Variants in TAF4 observed in about 807,000 individuals in gnomAD.
TAF4 encodes transcription initiation factor TFIID subunit 4.
A neutral mutation model predicts 90.3 loss-of-function variants in TAF4; 9 were observed. The ratio of observed to expected loss-of-function variants is 0.10; its 90% CI spans 0.06 to 0.17. The LOEUF (loss-of-function observed/expected upper bound fraction) is 0.17. Among genes scored for constraint, TAF4 ranks in the 10% least tolerant of loss-of-function variants. TAF4 has a pLI of 1.00. For synonymous variants in TAF4, 818 were observed against 638.9 expected, an observed-to-expected ratio of 1.28 and a Z score of -4.23; for missense variants, 1,351 against 1,370.7, an observed-to-expected ratio of 0.99 and a Z score of 0.23.
At chr20:62,005,338 G>A (rs2055737881) in intron 7 of TAF4, 1 of 152,268 alleles carries the variant, frequency 6.6e-6, no homozygotes, top group African/African-American at 2.4e-5. Flanking sequence ...CACGTGGTCA[G>A]GAGGAGCCCA....
chr20:62,010,248 G>C lies in TAF4; in HGVS notation c.1642-83C>G, dbSNP rs2055771095. 6.3e-7 allele frequency: 1 copy of C among 1,598,444 alleles called. No homozygotes were observed. The highest frequency in any genetic ancestry group is 1.7e-5 in the Admixed American group (1 of 58,998). On this transcript the variant is annotated intron_variant, in intron 3 of 14. Coordinates refer to ENST00000252996, the MANE Select transcript of TAF4 (RefSeq NM_003185.4). This position sits in a 1 kb window ranked among gnomAD's most constrained non-coding sequence, Gnocchi z 4.5. Reference sequence around the variant, plus strand: ...GAGACCAGCCTCACGCCCAGCAAAAGAAAACAAGCCTCCCTGCGGTGGCCA... The same window carrying C: ...GAGACCAGCCTCACGCCCAGCAAAACAAAACAAGCCTCCCTGCGGTGGCCA...
intron 9 of TAF4, among the ~76,000 whole-genome samples, chr20:62,002,687 G>T (rs2055714571): frequency 6.6e-6 from 1 of 152,088 alleles, no homozygotes; most frequent in Non-Finnish European, 1.5e-5. Flanking sequence ...GTTGAGTAAG[G>T]TTTTACTATG....
Position 62,053,812 on chromosome 20 carries a change from C to T in TAF4, c.1360+10639G>A, listed in dbSNP as rs555097576. Among the ~76,000 whole-genome samples the T allele has an allele frequency of 2.0e-5, 3 of 152,368 alleles. No homozygotes were observed. In the South Asian group the frequency reaches 6.2e-4, roughly 32 times the overall value. On this transcript the variant is annotated intron_variant, in intron 1 of 14. Transcript: ENST00000252996. ...TGTGCAGACAGACACAGACAATGACCAAGTCTTCTCGGCTGAAACTAGGGA... is the reference window on the plus strand; with the variant it reads ...TGTGCAGACAGACACAGACAATGACTAAGTCTTCTCGGCTGAAACTAGGGA...
At position 62,064,784 on chromosome 20, in the gene TAF4, TGACCCCCGGCGCCGGCGCCGC is replaced by T. The variant is rs1395373784; in HGVS notation, c.1006_1026del (p.Ala336_Val342del). 357 of 1,074,338 alleles carry T rather than the reference TGACCCCCGGCGCCGGCGCCGC, an allele frequency of 3.3e-4. No individual in the cohort carries two copies. Among genetic ancestry groups the T allele is most frequent in the Middle Eastern group, 2.5e-3 (6 of 2,402 alleles). 66.6% of individuals were successfully genotyped at this position (1,074,338 alleles called of 1,614,324 possible). A position where few individuals can be genotyped will look rare whatever the true frequency, so the allele number is the denominator to read the frequency against. On this transcript the variant is annotated inframe_deletion, in exon 1 of 15. Coordinates refer to ENST00000252996, the MANE Select transcript of TAF4 (RefSeq NM_003185.4). ...ACCACCCTCTTGGGCGACTCGGCCT[TGACCCCCGGCGCCGGCGCCGC>T]AGCCGCCGCGCCGGGCCCGGGTTGG... is the stretch of plus-strand genomic sequence containing the variant.
At chr20:61,978,826 G>A (rs1415161431) in intron 14 of TAF4, 2 of 153,664 alleles carry the variant, frequency 1.3e-5, no homozygotes. Context: ...AGCTCTGAAG[G>A]TGCACTATGA....
chr20:62,053,315 C>T (rs956901858), intron 1 of TAF4, among the ~76,000 whole-genome samples: 1 of 75,828 alleles, frequency 1.3e-5, no homozygotes, highest in Non-Finnish European at 2.9e-5. Flanking sequence ...AACCAGGAGC[C>T]CATGAGGCCG....
chr20:62,045,782 G>T (rs540813581), intron 1 of TAF4, among the ~76,000 whole-genome samples: 1 of 152,274 alleles, frequency 6.6e-6, no homozygotes, highest in South Asian at 2.1e-4. Context: ...ACTCTTTCTC[G>T]TCTAATCCAG....
At chr20:62,030,347 C>A (rs1033618368) in intron 1 of TAF4, among the ~76,000 whole-genome samples, 1 of 152,236 alleles carries the variant, frequency 6.6e-6, no homozygotes, top group African/African-American at 2.4e-5. Context: ...AGTCAGGACA[C>A]CACAGCCTTT....
At chr20:62,049,133 C>T (rs908665244) in intron 1 of TAF4, among the ~76,000 whole-genome samples, 1 of 151,950 alleles carries the variant, frequency 6.6e-6, no homozygotes, top group Admixed American at 6.6e-5. Context: ...CTGGCACCAC[C>T]CACCAGCCCC....
intron 3 of TAF4, among the ~76,000 whole-genome samples, chr20:62,011,871 C>T (rs558456197): frequency 1.3e-5 from 2 of 152,204 alleles, no homozygotes; most frequent in Non-Finnish European, 2.9e-5. Flanking sequence ...CTCACAGACA[C>T]CAGGTGACCA....
chr20:61,976,009 A>C lies in TAF4; in HGVS notation c.*159T>G. 1.4e-6 allele frequency: 1 copy of C among 731,790 alleles called. No homozygotes were observed. The highest frequency in any genetic ancestry group is 2.2e-6 in the Non-Finnish European group (1 of 450,960). The allele number at this position is 731,790 out of a possible 1,614,324, so 45.3% of individuals were successfully genotyped here. ...GGCCTTTGTGTTCTCTCTGTTACAGAAACGTGTTTTCTTTCACACTGAAGA... is the reference window on the plus strand; with the variant it reads ...GGCCTTTGTGTTCTCTCTGTTACAGCAACGTGTTTTCTTTCACACTGAAGA... On this transcript the variant is annotated 3_prime_UTR_variant, in exon 15 of 15. Coordinates refer to ENST00000252996, the MANE Select transcript of TAF4 (RefSeq NM_003185.4).
intron 14 of TAF4, among the ~76,000 whole-genome samples, chr20:61,990,743 C>T (rs993027435): frequency 6.6e-6 from 1 of 152,174 alleles, no homozygotes; most frequent in African/African-American, 2.4e-5. Flanking sequence ...CTGAGCAGGA[C>T]AGGGACAAGG....
chr20:62,053,547 G>A (rs560336571), intron 1 of TAF4, among the ~76,000 whole-genome samples: 3 of 152,316 alleles, frequency 2.0e-5, no homozygotes, highest in Non-Finnish European at 2.9e-5. Context: ...GCTGAGAAGC[G>A]GCATCCGTGC....
At chr20:62,023,589 A>C (rs2055856108) in intron 1 of TAF4, among the ~76,000 whole-genome samples, 1 of 151,732 alleles carries the variant, frequency 6.6e-6, no homozygotes, top group Non-Finnish European at 1.5e-5. Flanking sequence ...CTCTACTAAA[A>C]ATACAAAAAT....
At position 62,006,989 on chromosome 20, in the gene TAF4, C is replaced by T; in HGVS notation, c.1975-231G>A. Reference sequence around the variant, plus strand: ...TCCAAAATGTGTTCAAGAAAACAAACAAAAAGAGACATATTTTTAAAAAAC... The same window carrying T: ...TCCAAAATGTGTTCAAGAAAACAAATAAAAAGAGACATATTTTTAAAAAAC... On this transcript the variant is annotated intron_variant, in intron 6 of 14. Coordinates refer to ENST00000252996, the MANE Select transcript of TAF4 (RefSeq NM_003185.4). The surrounding 1 kb of genome is among the most constrained non-coding windows in gnomAD (Gnocchi z 7.0). 2.2e-6 allele frequency: 1 copy of T among 452,088 alleles called. No individual in the cohort carries two copies. Among genetic ancestry groups the T allele is most frequent in the Non-Finnish European group, 3.6e-6 (1 of 275,524 alleles). The allele number at this position is 452,088 out of a possible 1,614,324, so 28.0% of individuals were successfully genotyped here. A position where few individuals can be genotyped will look rare whatever the true frequency, so the allele number is the denominator to read the frequency against.
chr20:62,033,825 G>A (rs150840140), intron 1 of TAF4, among the ~76,000 whole-genome samples: 43 of 151,906 alleles, frequency 2.8e-4, no homozygotes, highest in African/African-American at 8.7e-4. Flanking sequence ...GGTGGATCAC[G>A]AGGTCAGGAG....
intron 2 of TAF4, among the ~76,000 whole-genome samples, chr20:62,013,906 G>GGTGT (rs56801841): frequency 0.06 from 6,454 of 106,916 alleles, 222 homozygotes; most frequent in Admixed American, 0.098. Flanking sequence ...GGCTGACGCG[G>GGTGT]GTGTGTGTGT....
At position 62,065,871 on chromosome 20, in the gene TAF4, A is replaced by C. The variant is rs2056128872; in HGVS notation, c.-61T>G. On this transcript the variant is annotated 5_prime_UTR_variant, in exon 1 of 15. Transcript: ENST00000252996. ...GGCCGAGCGCGCCTGGGCGAGGAGGAGGTTCCGACTGGGGCGGGCGCTGGG... is the reference window on the plus strand; with the variant it reads ...GGCCGAGCGCGCCTGGGCGAGGAGGCGGTTCCGACTGGGGCGGGCGCTGGG... 8.8e-7 allele frequency: 1 copy of C among 1,134,502 alleles called. No individual in the cohort carries two copies. The highest frequency in any genetic ancestry group is 1.1e-6 in the Non-Finnish European group (1 of 911,374). 70.3% of individuals were successfully genotyped at this position (1,134,502 alleles called of 1,614,324 possible).
chr20:61,982,988 A>G (rs2055560067), intron 14 of TAF4, among the ~76,000 whole-genome samples: 1 of 152,188 alleles, frequency 6.6e-6, no homozygotes, highest in Non-Finnish European at 1.5e-5. Context: ...AATGGGAGGA[A>G]GAGCCTCCTC....
Sources: allele counts gnomAD v4.1 joint callset (sites outside exome capture counted in the v4.1 genomes callset), GRCh38; gene constraint gnomAD v4.1.1; non-coding constraint Gnocchi (gnomAD v3.1); transcripts MANE v1.5; gene names NCBI Gene and HGNC (gene_info 2026-07-23, HGNC 2026-07-21).